TENM1: variants seen among roughly 807,000 people sequenced by gnomAD.
The protein encoded by TENM1 is teneurin transmembrane protein 1.
TENM1 carries 35 observed loss-of-function variants against 174.8 expected under a neutral mutation model. The observed-to-expected ratio is 0.20, with a 90% confidence interval of 0.15 to 0.27. The LOEUF (loss-of-function observed/expected upper bound fraction) is 0.27. TENM1 is among the 10% of genes least tolerant of loss of function. The pLI is 1.00. For synonymous variants in TENM1, 781 were observed against 798.7 expected (o/e 0.98, Z 0.37); for missense variants, 1,633 against 2,130.1 (o/e 0.77, Z 4.59).
chrX:125,122,950 CTAG>C, the TENM1 span, among the ~76,000 whole-genome samples: 3 of 111,415 alleles, frequency 2.7e-5, no homozygotes. Context: ...TCATAAATTA[CTAG>C]TAGAAGACAT....
chrX:124,462,438 G>T lies in TENM1; in HGVS notation c.3950-8947C>A, dbSNP rs1477346874. Among the ~76,000 whole-genome samples the T allele has an allele frequency of 1.1e-3, 95 of 88,799 alleles. 1 individual carries two copies. The highest frequency in any genetic ancestry group is 4.2e-3 in the African/African-American group (92 of 22,014). The allele number at this position is 88,799 out of a possible 115,157, so 77.1% of individuals were successfully genotyped here. A position where few individuals can be genotyped will look rare whatever the true frequency, so the allele number is the denominator to read the frequency against. The stretch of plus-strand genomic sequence containing the variant: ...AGATACTGTGTGTGTGTGTGGGGGG[G>T]GTGGGGGTGGGGGGGAGGGTGTGTG... On this transcript the variant is annotated intron_variant, in intron 22 of 31. Transcript: ENST00000422452.
At chrX:125,019,393 C>A in the TENM1 span, among the ~76,000 whole-genome samples, 3 of 110,291 alleles carry the variant, frequency 2.7e-5, no homozygotes, top group Admixed American at 1.9e-4. Context: ...ATTTAAGCAC[C>A]AAATATGAAT....
chrX:124,792,613 C>T (rs2055205185), intron 3 of TENM1, among the ~76,000 whole-genome samples: 2 of 111,301 alleles, frequency 1.8e-5, no homozygotes, highest in Non-Finnish European at 3.8e-5. Context: ...GGAAATAGAC[C>T]ATTTGCAAAA....
intron 23 of TENM1, among the ~76,000 whole-genome samples, chrX:124,428,019 C>T (rs1424353770): frequency 1.8e-5 from 2 of 112,034 alleles, no homozygotes; most frequent in African/African-American, 3.2e-5. Flanking sequence ...ACCCAACCTA[C>T]AGGCAAACTA....
chrX:125,045,970 A>G, the TENM1 span, among the ~76,000 whole-genome samples: 1 of 111,977 alleles, frequency 8.9e-6, no homozygotes, highest in African/African-American at 3.2e-5. Flanking sequence ...CTCTTGAAGA[A>G]GAGCAACCAG....
intron 5 of TENM1, among the ~76,000 whole-genome samples, chrX:124,691,970 T>C (rs1024858189): frequency 5.4e-5 from 6 of 111,988 alleles, no homozygotes; most frequent in Admixed American, 9.5e-5. Context: ...TTAAAAAAAT[T>C]ACAGATAGAA....
At chrX:124,418,687 T>C (rs748891633) in intron 25 of TENM1, among the ~76,000 whole-genome samples, 14 of 112,248 alleles carry the variant, frequency 1.2e-4, no homozygotes, top group Admixed American at 3.8e-4. Flanking sequence ...GTTGAATAAA[T>C]ACATGAATGG....
chrX:124,955,793 G>GCACACACACACACACA (rs955862260), intron 1 of TENM1, among the ~76,000 whole-genome samples: 204 of 78,111 alleles, frequency 2.6e-3, no homozygotes, highest in Non-Finnish European at 4.0e-3. Context: ...CAACACACGC[G>GCACACACACACACACA]CACGCACACA....
intron 22 of TENM1, among the ~76,000 whole-genome samples, chrX:124,470,632 T>G (rs1159432483): frequency 9.0e-6 from 1 of 111,559 alleles, no homozygotes; most frequent in African/African-American, 3.3e-5. Flanking sequence ...CCTACTCTTT[T>G]TTAAAAAAAA....
intron 23 of TENM1, among the ~76,000 whole-genome samples, chrX:124,423,436 C>T (rs933615974): frequency 2.7e-5 from 3 of 111,497 alleles, no homozygotes; most frequent in Middle Eastern, 4.2e-3. Flanking sequence ...AAAATGACTA[C>T]GACACGGCCT....
chrX:125,143,768 A>T, the TENM1 span, among the ~76,000 whole-genome samples: 2 of 111,995 alleles, frequency 1.8e-5, no homozygotes, highest in Admixed American at 9.5e-5. Flanking sequence ...TGTTATCTAA[A>T]ATATACATTC....
the TENM1 span, among the ~76,000 whole-genome samples, chrX:125,188,080 G>A: frequency 0.021 from 2,371 of 111,340 alleles, 56 homozygotes; most frequent in African/African-American, 0.073. Context: ...CCTGTAATCC[G>A]AGCATTTTGG....
intron 3 of TENM1, among the ~76,000 whole-genome samples, chrX:124,846,002 C>T (rs2056599535): frequency 9.0e-6 from 1 of 110,593 alleles, no homozygotes; most frequent in African/African-American, 3.3e-5. Context: ...GGGGAGGCTA[C>T]TATGGAATTT....
intron 3 of TENM1, among the ~76,000 whole-genome samples, chrX:124,872,812 A>T (rs1490434999): frequency 9.0e-6 from 1 of 111,717 alleles, no homozygotes; most frequent in African/African-American, 3.2e-5. Context: ...TAAGACAGAA[A>T]CTTGATCTCC....
At chrX:124,847,647 A>C (rs1262789187) in intron 3 of TENM1, among the ~76,000 whole-genome samples, 2 of 111,819 alleles carry the variant, frequency 1.8e-5, no homozygotes, top group African/African-American at 6.5e-5. Context: ...AAAGAGAATA[A>C]ATAAATGGGA....
At chrX:124,794,614 G>A (rs73547633) in intron 3 of TENM1, among the ~76,000 whole-genome samples, 8,511 of 109,542 alleles carry the variant, frequency 0.078, 398 homozygotes, top group African/African-American at 0.17. Flanking sequence ...CAATCCCCCC[G>A]CCAACCTATT....
chrX:125,009,295 T>C, the TENM1 span, among the ~76,000 whole-genome samples: 38 of 111,146 alleles, frequency 3.4e-4, no homozygotes, highest in African/African-American at 1.2e-3. Context: ...AATAAATGGA[T>C]AAATTCCTGG....
intron 11 of TENM1, among the ~76,000 whole-genome samples, chrX:124,614,421 T>C (rs915022324): frequency 1.8e-5 from 2 of 112,208 alleles, no homozygotes; most frequent in African/African-American, 6.5e-5. Flanking sequence ...CATGCTATGC[T>C]CACTGGCTTA....
the TENM1 span, among the ~76,000 whole-genome samples, chrX:125,048,835 T>C: frequency 1.8e-5 from 2 of 111,673 alleles, no homozygotes; most frequent in Non-Finnish European, 1.9e-5. Context: ...AAGTTCAAGA[T>C]GGTTACCTAG....
Sources: allele counts gnomAD v4.1 joint callset (sites outside exome capture counted in the v4.1 genomes callset), GRCh38; gene constraint gnomAD v4.1.1; transcripts MANE v1.5; gene names NCBI Gene and HGNC (gene_info 2026-07-23, HGNC 2026-07-21).